Variants in SIN3A observed in about 807,000 individuals in gnomAD.
SIN3A encodes paired amphipathic helix protein Sin3a.
A neutral mutation model predicts 146.1 loss-of-function variants in SIN3A; 14 were observed. The ratio of observed to expected loss-of-function variants is 0.10; its 90% CI spans 0.06 to 0.15. SIN3A has a LOEUF of 0.15. Ranked by LOEUF, SIN3A falls within the 10% of genes least tolerant of loss-of-function variation. The pLI, the probability that SIN3A is intolerant of heterozygous loss-of-function variation, is 1.00. For synonymous variants in SIN3A, 572 were observed against 572.0 expected (o/e 1.00, Z 0.00); for missense variants, 1,028 against 1,576.0 (o/e 0.65, Z 5.89).
At chr15:75,451,789 G>T (rs1471881806), upstream of SIN3A, 2 of 151,426 alleles carry the variant, frequency 1.3e-5, no homozygotes, top group Non-Finnish European at 2.9e-5. Flanking sequence ...CAAAGACTCA[G>T]CCAACCACCG....
chr15:75,406,559 C>T (rs1435743820), intron 9 of SIN3A, among the ~76,000 whole-genome samples: 3 of 152,136 alleles, frequency 2.0e-5, no homozygotes, highest in Non-Finnish European at 4.4e-5. Flanking sequence ...AGGTGGTGGG[C>T]GCCTGTAGTC....
intron 16 of SIN3A, among the ~76,000 whole-genome samples, chr15:75,389,436 T>C (rs534633614): frequency 1.3e-5 from 2 of 152,276 alleles, no homozygotes; most frequent in East Asian, 3.9e-4. Flanking sequence ...ACTCTACAGG[T>C]GGCCAGCAAG....
At chr15:75,396,139 G>T in intron 13 of SIN3A, 119 bp downstream of exon 13, 1 of 759,800 alleles carries the variant, frequency 1.3e-6, no homozygotes, top group Non-Finnish European at 2.2e-6. Flanking sequence ...AACAACCAGG[G>T]TTGGGGAGAA....
At position 75,383,531 on chromosome 15, in the gene SIN3A, CT is replaced by C. The variant is rs374790673; in HGVS notation, c.3195+732del. On this transcript the variant is annotated intron_variant, in intron 17 of 20. Coordinates refer to ENST00000394947, the MANE Select transcript of SIN3A (RefSeq NM_001145358.2). ...CTCGACCTCCCAGGCTCAAGCAATC[CT>C]TTTTTTTTTTTTTTGAGACGGAGTC... Among the ~76,000 whole-genome samples, 277 of 138,352 alleles carry C rather than the reference CT, an allele frequency of 2.0e-3. 1 individual carries two copies. The highest frequency in any genetic ancestry group is 3.3e-3 in the East Asian group (16 of 4,826). 90.8% of individuals were successfully genotyped at this position (138,352 alleles called of 152,430 possible). A position where few individuals can be genotyped will look rare whatever the true frequency, so the allele number is the denominator to read the frequency against.
rs2074012942 is a variant in SIN3A, at chr15:75,431,460, A to T, written c.-33-1052T>A. Among the ~76,000 whole-genome samples, 4 of 152,216 alleles carry T rather than the reference A, an allele frequency of 2.6e-5. No homozygotes were observed. In the South Asian group the frequency reaches 8.3e-4, roughly 32 times the overall value. Reference sequence around the variant, plus strand: ...TTCAGAGCTTTTCCATATCAGTATCACTAACACAAGCATAACACACCATCA... The same window carrying T: ...TTCAGAGCTTTTCCATATCAGTATCTCTAACACAAGCATAACACACCATCA... On this transcript the variant is annotated intron_variant, in intron 1 of 20. Transcript: ENST00000394947.
At chr15:75,444,315 C>A (rs2074267391) in intron 1 of SIN3A, among the ~76,000 whole-genome samples, 1 of 152,098 alleles carries the variant, frequency 6.6e-6, no homozygotes, top group Non-Finnish European at 1.5e-5. Context: ...GTGGTACACA[C>A]CTGTAATCCC....
intron 5 of SIN3A, among the ~76,000 whole-genome samples, chr15:75,411,982 T>A (rs901980687): frequency 6.6e-6 from 1 of 152,204 alleles, no homozygotes; most frequent in African/African-American, 2.4e-5. Flanking sequence ...ACTGGAGCCA[T>A]CTCCAATTAC....
intron 3 of SIN3A, chr15:75,420,290 G>A (rs1332809720): frequency 6.6e-6 from 1 of 151,610 alleles, no homozygotes; most frequent in African/African-American, 2.4e-5. Flanking sequence ...ATCCCTTCTT[G>A]TCACCACCAA....
chr15:75,377,423 GA>G (rs771355673), intron 19 of SIN3A, among the ~76,000 whole-genome samples: 39 of 152,160 alleles, frequency 2.6e-4, no homozygotes, highest in Non-Finnish European at 5.3e-4. Context: ...TCAGGAGTTT[GA>G]GACTAGCCTG....
intron 2 of SIN3A, among the ~76,000 whole-genome samples, chr15:75,428,345 G>T (rs889493983): frequency 6.6e-6 from 1 of 152,142 alleles, no homozygotes; most frequent in South Asian, 2.1e-4. Context: ...ACAGGGTCTT[G>T]CACTGTTGTC....
Position 75,375,803 on chromosome 15 carries a change from G to A in SIN3A, c.3453C>T (p.Asn1151=), listed in dbSNP as rs761876235. Residue 1151 remains asparagine, a synonymous_variant, in exon 20 of 21, where the codon AAC becomes AAT. Coordinates refer to ENST00000394947, the MANE Select transcript of SIN3A (RefSeq NM_001145358.2). The part of the protein sequence containing the change: ...EQQEKEGKEG[N]SKKTMENVDS... ...CCACATTCTCCATGGTCTTCTTGCT[G>A]TTTCCTTCCTTCCCTTCCTTTTCCT... 1 of 1,614,162 alleles carries A rather than the reference G, an allele frequency of 6.2e-7. No individual in the cohort carries two copies. Among genetic ancestry groups the A allele is most frequent in the South Asian group, 1.1e-5 (1 of 91,082 alleles).
intron 1 of SIN3A, among the ~76,000 whole-genome samples, chr15:75,447,083 A>C (rs2074321176): frequency 6.6e-6 from 1 of 152,208 alleles, no homozygotes; most frequent in Admixed American, 6.5e-5. Flanking sequence ...AGACATATCT[A>C]AATAAGGACT....
In SIN3A at chr15:75,400,379, C is replaced by G. The variant is rs576384162; in HGVS notation, c.1738-223G>C. Among the ~76,000 whole-genome samples, 8 of 152,284 alleles carry G rather than the reference C, an allele frequency of 5.3e-5. No individual in the cohort carries two copies. In the East Asian group the frequency reaches 7.7e-4, roughly 15 times the overall value. On this transcript the variant is annotated intron_variant, in intron 11 of 20. Coordinates refer to ENST00000394947, the MANE Select transcript of SIN3A (RefSeq NM_001145358.2). Reference sequence around the variant, plus strand: ...CTTTGGGAGGACGAAGCAGGAAGATCACCTGAGCCCAGGAGGAGTGACCCA... The same window carrying G: ...CTTTGGGAGGACGAAGCAGGAAGATGACCTGAGCCCAGGAGGAGTGACCCA...
At chr15:75,434,372 G>A (rs550749146) in intron 1 of SIN3A, among the ~76,000 whole-genome samples, 66 of 152,244 alleles carry the variant, frequency 4.3e-4, no homozygotes, top group Non-Finnish European at 7.4e-4. Context: ...AAAGTAGGCC[G>A]GGCGCGGTGG....
At chr15:75,439,292 T>C (rs940200678) in intron 1 of SIN3A, among the ~76,000 whole-genome samples, 1 of 152,030 alleles carries the variant, frequency 6.6e-6, no homozygotes, top group Non-Finnish European at 1.5e-5. Flanking sequence ...ATGTCAACAG[T>C]GTGTGAAGAC....
chr15:75,437,177 C>CTT lies in SIN3A; in HGVS notation c.-33-6771_-33-6770dup, dbSNP rs5813801. On this transcript the variant is annotated intron_variant, in intron 1 of 20. Coordinates refer to ENST00000394947, the MANE Select transcript of SIN3A (RefSeq NM_001145358.2). ...CTGTCAGATAGGCAGTCCCAGAACC[C>CTT]TTTTTTTTTTTTTGCAATAGCATAC... is the stretch of plus-strand genomic sequence containing the variant. Among the ~76,000 whole-genome samples, 95 of 145,170 alleles carry CTT rather than the reference C, an allele frequency of 6.5e-4. 1 individual carries two copies. The highest frequency in any genetic ancestry group is 1.3e-3 in the African/African-American group (53 of 39,390).
chr15:75,417,378 CTTTT>C (rs34223540), intron 3 of SIN3A, among the ~76,000 whole-genome samples: 1 of 140,874 alleles, frequency 7.1e-6, no homozygotes, highest in Non-Finnish European at 1.6e-5. Flanking sequence ...CAGTCTTTTT[CTTTT>C]TTTTTTTTTT....
intron 8 of SIN3A, among the ~76,000 whole-genome samples, chr15:75,408,672 T>C (rs1038725478): frequency 1.3e-5 from 2 of 152,244 alleles, no homozygotes; most frequent in African/African-American, 2.4e-5. Flanking sequence ...AATGGATTAC[T>C]AAGAGGAGTT....
At chr15:75,447,466 G>C (rs1175357175) in intron 1 of SIN3A, among the ~76,000 whole-genome samples, 1 of 152,174 alleles carries the variant, frequency 6.6e-6, no homozygotes, top group African/African-American at 2.4e-5. Context: ...GGTAGAGGGA[G>C]AGATCCCCGT....
Sources: gnomAD v4.1 joint callset for allele counts (sites outside exome capture counted in the v4.1 genomes callset) on GRCh38, gnomAD v4.1.1 for gene constraint, MANE v1.5 for transcripts, NCBI Gene and HGNC (gene_info 2026-07-23, HGNC 2026-07-21) for gene names.